IQCM: variants seen among roughly 807,000 people sequenced by gnomAD.
IQCM encodes the protein IQ domain-containing protein M.
Under a neutral mutation model 57.6 loss-of-function variants are expected in IQCM, and 45 were observed. The ratio of observed to expected loss-of-function variants is 0.78; its 90% CI spans 0.62 to 1.00. IQCM has a LOEUF of 1.00. IQCM is among the 50% of genes least tolerant of loss of function. IQCM has a pLI of 0.00. For synonymous variants in IQCM, 148 were observed against 158.9 expected, an observed-to-expected ratio of 0.93 and a Z score of 0.51; for missense variants, 468 against 511.6, an observed-to-expected ratio of 0.91 and a Z score of 0.82.
intron 12 of IQCM, among the ~76,000 whole-genome samples, chr4:149,442,035 C>A (rs1273981450): frequency 4.6e-5 from 7 of 152,078 alleles, no homozygotes; most frequent in Non-Finnish European, 5.9e-5. Flanking sequence ...GAGAAAATAC[C>A]TATCTGTTCC....
In IQCM at chr4:149,778,653, A is replaced by G. The variant is rs1012622074; in HGVS notation, c.-48-35914T>C. Reference sequence around the variant, plus strand: ...AGAGAAGACAAAAATTACTAATATTAGAAATGAAATGGGTATCACTACAGA... The same window carrying G: ...AGAGAAGACAAAAATTACTAATATTGGAAATGAAATGGGTATCACTACAGA... On this transcript the variant is annotated intron_variant, in intron 2 of 13. Transcript: ENST00000636793. Among the ~76,000 whole-genome samples the G allele has an allele frequency of 3.3e-5, 5 of 152,120 alleles. No individual in the cohort carries two copies. The South Asian group carries it at 1.0e-3, about 31-fold the overall frequency.
chr4:149,565,555 G>A (rs1436797034), intron 9 of IQCM, among the ~76,000 whole-genome samples: 1 of 152,082 alleles, frequency 6.6e-6, no homozygotes, highest in Admixed American at 6.6e-5. Flanking sequence ...ACACTAGTTT[G>A]AATATCATTC....
intron 13 of IQCM, among the ~76,000 whole-genome samples, chr4:149,358,176 T>C (rs1729148850): frequency 6.6e-6 from 1 of 152,228 alleles, no homozygotes; most frequent in Non-Finnish European, 1.5e-5. Flanking sequence ...ATCAATTTTG[T>C]TGATCTTTTC....
At chr4:149,685,399 C>T (rs538372324) in intron 6 of IQCM, among the ~76,000 whole-genome samples, 2 of 151,428 alleles carry the variant, frequency 1.3e-5, no homozygotes, top group East Asian at 3.9e-4. Flanking sequence ...ATAATAATTT[C>T]TTTTCCTTTG....
At chr4:149,544,428 A>G (rs1361442107) in intron 12 of IQCM, among the ~76,000 whole-genome samples, 3 of 152,168 alleles carry the variant, frequency 2.0e-5, no homozygotes, top group Admixed American at 6.6e-5. Flanking sequence ...AATAATTGAA[A>G]AGGTATATTG....
intron 5 of IQCM, among the ~76,000 whole-genome samples, chr4:149,700,460 T>C (rs1010595431): frequency 6.6e-6 from 1 of 151,938 alleles, no homozygotes; most frequent in African/African-American, 2.4e-5. Flanking sequence ...AAAAGAAGGC[T>C]GTTCTCGGTA....
chr4:149,600,107 C>A lies in IQCM; in HGVS notation c.682-12110G>T, dbSNP rs185050579. 1.1e-4 allele frequency among the ~76,000 whole-genome samples: 17 copies of A among 152,054 alleles called. 1 individual carries two copies. Among genetic ancestry groups the A allele is most frequent in the Admixed American group, 9.2e-4 (14 of 15,260 alleles). ...GTATTTTTAAAAATCGAATTAAATC[C>A]TTTTTACTTGTGTATTTATTGAGGA... On this transcript the variant is annotated intron_variant, in intron 8 of 13. Coordinates refer to ENST00000636793, the MANE Select transcript of IQCM (RefSeq NM_001363507.2).
At chr4:149,389,955 C>T (rs1731729088) in intron 13 of IQCM, among the ~76,000 whole-genome samples, 3 of 151,740 alleles carry the variant, frequency 2.0e-5, no homozygotes, top group Admixed American at 6.6e-5. Flanking sequence ...TATTTTTGGT[C>T]CCTTGTATTT....
intron 8 of IQCM, among the ~76,000 whole-genome samples, chr4:149,609,025 A>G (rs906737880): frequency 1.3e-5 from 2 of 151,728 alleles, no homozygotes; most frequent in African/African-American, 4.8e-5. Flanking sequence ...AAGACAGAAG[A>G]CCCAAATAAA....
At chr4:149,474,410 TA>T (rs1368094557) in intron 12 of IQCM, among the ~76,000 whole-genome samples, 1 of 151,422 alleles carries the variant, frequency 6.6e-6, no homozygotes, top group East Asian at 1.9e-4. Context: ...ACCATATCTT[TA>T]AAAAAATAAA....
chr4:149,795,818 C>G (rs1297622312), intron 2 of IQCM, among the ~76,000 whole-genome samples: 1 of 152,136 alleles, frequency 6.6e-6, no homozygotes, highest in Non-Finnish European at 1.5e-5. Flanking sequence ...CTAGAAACAC[C>G]CTGGGCCAGA....
At chr4:149,495,969 C>T (rs1742614628) in intron 12 of IQCM, among the ~76,000 whole-genome samples, 1 of 152,002 alleles carries the variant, frequency 6.6e-6, no homozygotes, top group Non-Finnish European at 1.5e-5. Context: ...TGTGTTTCAC[C>T]ATCTTAGAGG....
At chr4:149,439,301 T>C (rs1735673818) in intron 12 of IQCM, among the ~76,000 whole-genome samples, 1 of 152,068 alleles carries the variant, frequency 6.6e-6, no homozygotes, top group African/African-American at 2.4e-5. Flanking sequence ...AACTTTATTT[T>C]CATTCTGTAT....
At chr4:149,353,168 A>G (rs1246549461) in intron 13 of IQCM, among the ~76,000 whole-genome samples, 3 of 152,240 alleles carry the variant, frequency 2.0e-5, no homozygotes, top group Non-Finnish European at 2.9e-5. Context: ...AAAATGGACA[A>G]CAGGTATATG....
intron 5 of IQCM, among the ~76,000 whole-genome samples, chr4:149,698,749 G>A (rs1270745532): frequency 1.3e-5 from 2 of 151,994 alleles, no homozygotes; most frequent in African/African-American, 2.4e-5. Context: ...TAAATATATT[G>A]CATTAATTAT....
At chr4:149,420,263 C>T (rs1165172736) in intron 13 of IQCM, among the ~76,000 whole-genome samples, 1 of 151,992 alleles carries the variant, frequency 6.6e-6, no homozygotes, top group Non-Finnish European at 1.5e-5. Context: ...CAATGATAGA[C>T]TAGATAAAGA....
intron 7 of IQCM, among the ~76,000 whole-genome samples, chr4:149,623,865 T>C (rs1756563899): frequency 6.6e-6 from 1 of 152,046 alleles, no homozygotes; most frequent in Non-Finnish European, 1.5e-5. Flanking sequence ...TAAACGAATC[T>C]GAGGAAAACG....
At chr4:149,362,647 G>GTT (rs1411863219) in intron 13 of IQCM, among the ~76,000 whole-genome samples, 1 of 152,112 alleles carries the variant, frequency 6.6e-6, no homozygotes, top group Non-Finnish European at 1.5e-5. Context: ...ATGTGGAACT[G>GTT]TAAGTCCAAT....
intron 12 of IQCM, among the ~76,000 whole-genome samples, chr4:149,526,673 C>T (rs1746196245): frequency 6.6e-6 from 1 of 151,728 alleles, no homozygotes; most frequent in African/African-American, 2.4e-5. Flanking sequence ...CTCAACAGAA[C>T]TAAAATGAGC....
Sources: gnomAD v4.1 joint callset for allele counts (sites outside exome capture counted in the v4.1 genomes callset) on GRCh38, gnomAD v4.1.1 for gene constraint, MANE v1.5 for transcripts, NCBI Gene and HGNC (gene_info 2026-07-23, HGNC 2026-07-21) for gene names.